Variants in CAMSAP1 observed in about 807,000 individuals in gnomAD.
CAMSAP1 encodes the protein calmodulin regulated spectrin associated protein 1.
CAMSAP1 carries 58 observed loss-of-function variants against 143.5 expected under a neutral mutation model. That is an observed-to-expected ratio of 0.40 (90% CI 0.33 to 0.50). CAMSAP1 has a LOEUF of 0.50. Ranked by LOEUF, CAMSAP1 falls within the 20% of genes least tolerant of loss-of-function variation. CAMSAP1 has a pLI of 0.45. For missense variants in CAMSAP1, 1,969 were observed against 2,115.7 expected, an observed-to-expected ratio of 0.93 and a Z score of 1.36; for synonymous variants, 945 against 859.3, an observed-to-expected ratio of 1.10 and a Z score of -1.74.
At chr9:135,860,512 C>T (rs768958862) in intron 5 of CAMSAP1, among the ~76,000 whole-genome samples, 13 of 148,552 alleles carry the variant, frequency 8.8e-5, no homozygotes, top group Non-Finnish European at 1.6e-4. Flanking sequence ...GTGGGAGAAT[C>T]GCTTGAACCT....
At position 135,818,669 on chromosome 9, in the gene CAMSAP1, C is replaced by A; in HGVS notation, c.3960-53G>T. The A allele has an allele frequency of 6.3e-7, 1 of 1,580,104 alleles. No individual in the cohort carries two copies. The highest frequency in any genetic ancestry group is 8.6e-7 in the Non-Finnish European group (1 of 1,160,754). On this transcript the variant is annotated intron_variant, in intron 12 of 16. Coordinates refer to ENST00000389532, the MANE Select transcript of CAMSAP1 (RefSeq NM_015447.4). This position sits in a 1 kb window ranked among gnomAD's most constrained non-coding sequence, Gnocchi z 7.7. ...CTCGGTCACGGGGCTTCTTCCACGA[C>A]GCCTGCGCCGCGGCGCTCTGTCCAG...
chr9:135,858,501 T>C (rs553847627), intron 5 of CAMSAP1, among the ~76,000 whole-genome samples: 1 of 152,316 alleles, frequency 6.6e-6, no homozygotes, highest in East Asian at 1.9e-4. Flanking sequence ...CTATGATCCA[T>C]GAAATATTTA....
intron 10 of CAMSAP1, 43 bp from the exon 11 acceptor site, chr9:135,823,303 C>A (rs1189538182): frequency 1.3e-6 from 2 of 1,513,236 alleles, no homozygotes; most frequent in South Asian, 1.4e-5. Context: ...GCGGTATACA[C>A]CAAAGACCCC....
Position 135,823,171 on chromosome 9 carries a change from C to T in CAMSAP1, c.1490G>A (p.Arg497His), listed in dbSNP as rs772350402. Residue 497 changes from arginine (R) to histidine (H), a missense_variant, in exon 11 of 17, where the codon CGC (arginine) becomes CAC (histidine). Arg to His is a conservative substitution (Grantham distance 29). Around this residue, in one of 4 missense-constraint regions of CAMSAP1, gnomAD observed 1,390 missense variants for 1,420.8 expected, o/e 0.98. Coordinates refer to ENST00000389532, the MANE Select transcript of CAMSAP1 (RefSeq NM_015447.4). The stretch of plus-strand genomic sequence containing the variant: ...TGCCAAACTGTCTTTGCTGATGGAG[C>T]GGGCCAAGCTGATGCTGTCGCCAGA... The part of the protein sequence containing the change: ...PSSGDSISLA[R>H]SISKDSLASN... The T allele has an allele frequency of 5.0e-6, 8 of 1,607,376 alleles. No individual in the cohort carries two copies. The highest frequency in any genetic ancestry group is 3.3e-5 in the South Asian group (3 of 90,280).
intron 7 of CAMSAP1, among the ~76,000 whole-genome samples, chr9:135,830,970 A>C (rs1415288505): frequency 6.6e-6 from 1 of 152,186 alleles, no homozygotes; most frequent in Non-Finnish European, 1.5e-5. Flanking sequence ...CAGGAGTTCA[A>C]GACCAGCCTG....
intron 1 of CAMSAP1, among the ~76,000 whole-genome samples, chr9:135,900,572 G>A (rs958983488): frequency 3.3e-5 from 5 of 151,728 alleles, no homozygotes; most frequent in Non-Finnish European, 7.4e-5. Context: ...GCAAGCGCCT[G>A]TAGTCCCAGC....
chr9:135,863,023 A>G (rs898308572), intron 4 of CAMSAP1, among the ~76,000 whole-genome samples: 1 of 152,230 alleles, frequency 6.6e-6, no homozygotes, highest in African/African-American at 2.4e-5. Context: ...GACCCAAGTT[A>G]CTGTTACTTT....
At chr9:135,864,550 C>G (rs72771935) in intron 4 of CAMSAP1, among the ~76,000 whole-genome samples, 21,244 of 152,204 alleles carry the variant, frequency 0.14, 1,667 homozygotes, top group Non-Finnish European at 0.17. Flanking sequence ...TGCAAGATCT[C>G]CATCCAAAAG....
Position 135,824,729 on chromosome 9 carries a change from G to T in CAMSAP1, c.1315+60C>A. Reference sequence around the variant, plus strand: ...AAAATGATTTAATTTTGAGAAATATGATTTTACTAATCTATAGTAAGGAGA... The same window carrying T: ...AAAATGATTTAATTTTGAGAAATATTATTTTACTAATCTATAGTAAGGAGA... On this transcript the variant is annotated intron_variant, in intron 9 of 16. Coordinates refer to ENST00000389532, the MANE Select transcript of CAMSAP1 (RefSeq NM_015447.4). This position sits in a 1 kb window ranked among gnomAD's most constrained non-coding sequence, Gnocchi z 4.1. 2 of 1,147,380 alleles carry T rather than the reference G, an allele frequency of 1.7e-6. No homozygotes were observed. Among genetic ancestry groups the T allele is most frequent in the South Asian group, 1.5e-5 (1 of 65,096 alleles). 71.1% of individuals were successfully genotyped at this position (1,147,380 alleles called of 1,614,324 possible). A position where few individuals can be genotyped will look rare whatever the true frequency, so the allele number is the denominator to read the frequency against.
chr9:135,847,332 G>A (rs1038341423), intron 7 of CAMSAP1, among the ~76,000 whole-genome samples: 4 of 152,080 alleles, frequency 2.6e-5, no homozygotes, highest in African/African-American at 9.7e-5. Context: ...TCCAGCCTGG[G>A]CAGCAGAGTG....
intron 7 of CAMSAP1, chr9:135,836,192 C>G: frequency 1.0e-6 from 1 of 985,436 alleles, no homozygotes; most frequent in Non-Finnish European, 1.2e-6. Flanking sequence ...ATACCTTTAC[C>G]CGTTCCGCAG....
chr9:135,895,457 T>C (rs556635344), intron 1 of CAMSAP1, among the ~76,000 whole-genome samples: 1 of 152,046 alleles, frequency 6.6e-6, no homozygotes, highest in Non-Finnish European at 1.5e-5. Context: ...GAACTGTCAA[T>C]CAACCACAAA....
At chr9:135,873,005 G>A (rs574570980) in intron 3 of CAMSAP1, among the ~76,000 whole-genome samples, 1 of 152,312 alleles carries the variant, frequency 6.6e-6, no homozygotes, top group South Asian at 2.1e-4. Flanking sequence ...AACTGACACT[G>A]AAGACACTCT....
intron 7 of CAMSAP1, among the ~76,000 whole-genome samples, chr9:135,838,396 CAG>C (rs1836199896): frequency 6.8e-6 from 1 of 146,232 alleles, no homozygotes; most frequent in Non-Finnish European, 1.5e-5. Context: ...ACCCGTTCTA[CAG>C]ACACACATCA....
intron 3 of CAMSAP1, among the ~76,000 whole-genome samples, chr9:135,873,862 T>A (rs893645072): frequency 3.3e-5 from 5 of 152,062 alleles, no homozygotes; most frequent in African/African-American, 9.7e-5. Context: ...ACTTCCCAAC[T>A]CACTTTTTTA....
In CAMSAP1 at chr9:135,907,046, C is replaced by A; in HGVS notation, c.114G>T (p.Lys38Asn). 8.3e-7 allele frequency: 1 copy of A among 1,206,772 alleles called. No individual in the cohort carries two copies. The highest frequency in any genetic ancestry group is 1.0e-6 in the Non-Finnish European group (1 of 959,206). 74.8% of individuals were successfully genotyped at this position (1,206,772 alleles called of 1,614,324 possible). ...AGATCCACTGCAGGTTGGCGGCGAT[C>A]TTGGCGCGCGCCGCGTCGTAGCGGT... ...PLDRYDAARA[K>N]IAANLQWICA... The change falls in exon 1 of 17, where the codon AAG becomes AAT. Residue 38 changes from lysine to asparagine, a missense_variant. Physicochemically the swap from Lys to Asn is moderately conservative, Grantham distance 94 (BLOSUM62 0). Around this residue, in one of 4 missense-constraint regions of CAMSAP1, gnomAD observed 215 missense variants for 196.2 expected, o/e 1.10. Transcript: ENST00000389532.
chr9:135,840,408 C>T (rs1043193282), intron 7 of CAMSAP1, among the ~76,000 whole-genome samples: 41 of 152,196 alleles, frequency 2.7e-4, no homozygotes, highest in Non-Finnish European at 1.5e-5. Context: ...AGAAGAGGAG[C>T]CCCGCAAGAA....
chr9:135,821,980 G>A lies in CAMSAP1; in HGVS notation c.2681C>T (p.Ala894Val), dbSNP rs1387447963. 1 of 1,612,570 alleles carries A rather than the reference G, an allele frequency of 6.2e-7. No individual in the cohort carries two copies. Among genetic ancestry groups the A allele is most frequent in the African/African-American group, 1.3e-5 (1 of 74,846 alleles). The part of the protein sequence containing the change: ...QLEEKRRAIE[A>V]QKKKMEALSA... ...CAGCGCCTCCATCTTCTTCTTCTGG[G>A]CCTCGATGGCCCTGCGCTTCTCCTC... is the stretch of plus-strand genomic sequence containing the variant. The change falls in exon 11 of 17, where the codon GCC becomes GTC. Residue 894 changes from alanine (A) to valine (V), a missense_variant. Physicochemically the swap from Ala to Val is moderately conservative, Grantham distance 64 (BLOSUM62 0). Transcript: ENST00000389532. The surrounding 1 kb of genome is among the most constrained non-coding windows in gnomAD (Gnocchi z 4.6).
intron 4 of CAMSAP1, among the ~76,000 whole-genome samples, chr9:135,863,023 A>T (rs898308572): frequency 6.6e-6 from 1 of 152,348 alleles, no homozygotes; most frequent in African/African-American, 2.4e-5. Context: ...GACCCAAGTT[A>T]CTGTTACTTT....
Sources: allele counts gnomAD v4.1 joint callset (sites outside exome capture counted in the v4.1 genomes callset), GRCh38; gene constraint gnomAD v4.1.1; regional missense constraint gnomAD v4.1.1; non-coding constraint Gnocchi (gnomAD v3.1); transcripts MANE v1.5; gene names NCBI Gene and HGNC (gene_info 2026-07-23, HGNC 2026-07-21).